Variants in CARMIL3 observed in about 807,000 individuals in gnomAD.
CARMIL3 encodes the protein capping protein, Arp2/3 and myosin-I linker protein 3.
Under a neutral mutation model 180.8 loss-of-function variants are expected in CARMIL3, and 88 were observed. That is an observed-to-expected ratio of 0.49 (90% CI 0.41 to 0.58). The LOEUF is 0.58. CARMIL3 is among the 20% of genes least tolerant of loss of function. The pLI is 0.00. For missense variants in CARMIL3, 1,548 were observed against 1,787.0 expected (o/e 0.87, Z 2.41); for synonymous variants, 696 against 714.5 (o/e 0.97, Z 0.41).
chr14:24,055,051 T>C lies in CARMIL3; in HGVS notation c.461-15T>C, dbSNP rs754009487. 2 of 1,612,758 alleles carry C rather than the reference T, an allele frequency of 1.2e-6. No individual in the cohort carries two copies. The highest frequency in any genetic ancestry group is 3.3e-5 in the Admixed American group (2 of 60,000). ...TCCTTACCCTCATGGAATCAGCCTATCTCCTGCCCCACAGGTGGCTTCTCT... is the reference window on the plus strand; with the variant it reads ...TCCTTACCCTCATGGAATCAGCCTACCTCCTGCCCCACAGGTGGCTTCTCT... On this transcript the variant is annotated splice_polypyrimidine_tract_variant and intron_variant, in intron 6 of 39. Coordinates refer to ENST00000342740, the MANE Select transcript of CARMIL3 (RefSeq NM_138360.4).
In CARMIL3 at chr14:24,062,829, G is replaced by A; in HGVS notation, c.2689G>A (p.Glu897Lys). ...TGACCATGAGGAGACCACAGATGAT[G>A]AACTTGGGACCAACATTGTGAGCCC... ...NHDHEETTDD[E>K]LGTNIDTMAI... The change falls in exon 29 of 40, where the codon GAA (glutamate) becomes AAA (lysine). Residue 897 changes from glutamate to lysine, a missense_variant. By Grantham distance (56) the Glu-to-Lys change is moderately conservative (BLOSUM62 1). This residue lies in a region of CARMIL3 where 668 missense variants were observed against 687.8 expected (regional missense o/e 0.97). Transcript: ENST00000342740. 1.2e-6 allele frequency: 2 copies of A among 1,610,518 alleles called. No homozygotes were observed. Among genetic ancestry groups the A allele is most frequent in the Non-Finnish European group, 1.7e-6 (2 of 1,178,486 alleles).
At position 24,060,720 on chromosome 14, in the gene CARMIL3, T is replaced by C. The variant is rs377484511; in HGVS notation, c.2154T>C (p.Ala718=). 52 of 1,613,842 alleles carry C rather than the reference T, an allele frequency of 3.2e-5. No homozygotes were observed. Among genetic ancestry groups the C allele is most frequent in the Non-Finnish European group, 4.1e-5 (48 of 1,179,970 alleles). The change falls in exon 25 of 40, where the codon GCT becomes GCC. Residue 718 remains alanine, a synonymous_variant. Transcript: ENST00000342740. The stretch of plus-strand genomic sequence containing the variant: ...CTGTGCAGGATGAGCTACTCTACGC[T>C]CGGGACCTCATCAAAGATGCCAAGA... ...LEPVQDELLY[A]RDLIKDAKNS... is the part of the protein sequence containing the mutation.
chr14:24,060,841 G>A (rs1267750471), intron 25 of CARMIL3, 85 bp downstream of exon 25: 3 of 1,554,772 alleles, frequency 1.9e-6, no homozygotes, highest in East Asian at 2.4e-5. Context: ...GCCCTGCCCT[G>A]TGCATCTGCC....
chr14:24,063,771 A>G (rs913288904), intron 31 of CARMIL3, among the ~76,000 whole-genome samples: 20 of 152,174 alleles, frequency 1.3e-4, no homozygotes, highest in Admixed American at 1.3e-3. Flanking sequence ...GGATAGAGCC[A>G]CCAAGAACAC....
intron 31 of CARMIL3, 107 bp from the exon 32 acceptor site, chr14:24,064,119 AAACACTGGGTGAACTGAAGT>A: frequency 1.6e-6 from 1 of 635,876 alleles, no homozygotes; most frequent in Non-Finnish European, 2.7e-6. Flanking sequence ...AAAGAAAAAG[AAACACTGGGTGAACTGAAGT>A]CTACATTTCC....
Position 24,068,597 on chromosome 14 carries a change from C to A in CARMIL3, c.3696C>A (p.Ala1232=). 6.2e-7 allele frequency: 1 copy of A among 1,612,758 alleles called. No individual in the cohort carries two copies. The highest frequency in any genetic ancestry group is 8.5e-7 in the Non-Finnish European group (1 of 1,179,292). ...EATWHIAEES[A]PNHSCQSPSP... ...TCTCATCCCCAGCTGAAGAGAGTGC[C>A]CCCAACCACAGCTGCCAGAGTCCCA... The change falls in exon 37 of 40, where the codon GCC becomes GCA. Residue 1232 remains alanine (A), a synonymous_variant. Coordinates refer to ENST00000342740, the MANE Select transcript of CARMIL3 (RefSeq NM_138360.4).
Position 24,066,651 on chromosome 14 carries a change from A to T in CARMIL3, c.3677A>T (p.His1226Leu). 1 of 1,614,088 alleles carries T rather than the reference A, an allele frequency of 6.2e-7. No homozygotes were observed. Among genetic ancestry groups the T allele is most frequent in the Non-Finnish European group, 8.5e-7 (1 of 1,179,928 alleles). Residue 1226 changes from histidine (H) to leucine (L), a missense_variant, in exon 36 of 40, where the codon CAC becomes CTC. His to Leu is a moderately conservative substitution (Grantham distance 99, BLOSUM62 -3). Transcript: ENST00000342740. ...ATGCGCAGAGCAGAGGCCACATGGC[A>T]CATAGGTATGGAAAGCCTCTTTTCA... Reference protein sequence around the residue: ...SAMRRAEATWHIAEESAPNHS... With the variant: ...SAMRRAEATWLIAEESAPNHS...
At chr14:24,066,242 G>A (rs2035785522) in intron 34 of CARMIL3, among the ~76,000 whole-genome samples, 156 bp from the exon 35 acceptor site, 1 of 152,156 alleles carries the variant, frequency 6.6e-6, no homozygotes, top group Admixed American at 6.5e-5. Flanking sequence ...TTGTGCCCCT[G>A]GGGAGGTATG....
At chr14:24,055,997 C>T (rs568130752) in intron 10 of CARMIL3, among the ~76,000 whole-genome samples, 3 of 152,316 alleles carry the variant, frequency 2.0e-5, no homozygotes, top group Non-Finnish European at 4.4e-5. Context: ...GCTCCATGGC[C>T]TTTCCCCAGG....
rs1594546818 is a variant in CARMIL3, at chr14:24,054,563, A to C, written c.362+52A>C. ...AGGCATTAGATGAGAGGGAGAGTTC[A>C]TCCCTTCCTCCTTCCCCTGGGCCAG... On this transcript the variant is annotated intron_variant, in intron 5 of 39. Coordinates refer to ENST00000342740, the MANE Select transcript of CARMIL3 (RefSeq NM_138360.4). This position sits in a 1 kb window ranked among gnomAD's most constrained non-coding sequence, Gnocchi z 5.1. 6.4e-7 allele frequency: 1 copy of C among 1,564,958 alleles called. No homozygotes were observed. The highest frequency in any genetic ancestry group is 1.3e-5 in the African/African-American group (1 of 74,122).
In CARMIL3 at chr14:24,054,250, C is replaced by G. The variant is rs774570468; in HGVS notation, c.195C>G (p.Ser65Arg). Residue 65 changes from serine (S) to arginine (R), a missense_variant, in exon 4 of 40, where the codon AGC becomes AGG. Around this residue, in one of 4 missense-constraint regions of CARMIL3, gnomAD observed 578 missense variants for 666.5 expected, o/e 0.87. Transcript: ENST00000342740. This position sits in a 1 kb window ranked among gnomAD's most constrained non-coding sequence, Gnocchi z 5.1. ...FLLKVPAKVE[S>R]SFNVLEIRAF... ...ATCTCCATCCCTCCTAGGTGGAGAG[C>G]TCCTTCAATGTCCTGGAGATCCGTG... 4.3e-6 allele frequency: 7 copies of G among 1,614,044 alleles called. No individual in the cohort carries two copies. In the South Asian group the frequency reaches 6.6e-5, roughly 15 times the overall value.
intron 31 of CARMIL3, 134 bp from the exon 32 acceptor site, chr14:24,064,112 G>A (rs58091590): frequency 0.056 from 17,843 of 316,320 alleles, 845 homozygotes; most frequent in South Asian, 0.13. Context: ...AAAAAAAAAA[G>A]AAAAAGAAAC....
In CARMIL3 at chr14:24,056,470, C is replaced by T. The variant is rs1054363784; in HGVS notation, c.865+77C>T. Reference sequence around the variant, plus strand: ...AGCCCAGAGCCCAACCAGGTCTGAACAGCAGCTCTCCAGCCTGATTCCAGC... The same window carrying T: ...AGCCCAGAGCCCAACCAGGTCTGAATAGCAGCTCTCCAGCCTGATTCCAGC... On this transcript the variant is annotated intron_variant, in intron 11 of 39. Transcript: ENST00000342740. 23 of 1,505,078 alleles carry T rather than the reference C, an allele frequency of 1.5e-5. No individual in the cohort carries two copies. The Admixed American group carries it at 3.8e-4, about 25-fold the overall frequency. The allele number at this position is 1,505,078 out of a possible 1,614,324, so 93.2% of individuals were successfully genotyped here. A position where few individuals can be genotyped will look rare whatever the true frequency, so the allele number is the denominator to read the frequency against.
At position 24,059,571 on chromosome 14, in the gene CARMIL3, A is replaced by AGTC; in HGVS notation, c.1800-92_1800-90dup. Reference sequence around the variant, plus strand: ...ACCCCCAGCCCCAGAACCATCTCTGAGTCAGCCTTATTGCCCCAAGAGGTT... The same window carrying AGTC: ...ACCCCCAGCCCCAGAACCATCTCTGAGTCGTCAGCCTTATTGCCCCAAGAGGTT... On this transcript the variant is annotated intron_variant, in intron 21 of 39. Transcript: ENST00000342740. This position sits in a 1 kb window ranked among gnomAD's most constrained non-coding sequence, Gnocchi z 6.3. 4 of 1,538,542 alleles carry AGTC rather than the reference A, an allele frequency of 2.6e-6. No homozygotes were observed. Among genetic ancestry groups the AGTC allele is most frequent in the Non-Finnish European group, 3.5e-6 (4 of 1,128,746 alleles).
Position 24,054,176 on chromosome 14 carries a change from C to T in CARMIL3, c.186+38C>T, listed in dbSNP as rs1192005749. ...GAGGAGCAGGAGAGCACCTGGCATG[C>T]TCCCTACCTCCCAAGCCTGGCAACC... On this transcript the variant is annotated intron_variant, in intron 3 of 39. Transcript: ENST00000342740. This position sits in a 1 kb window ranked among gnomAD's most constrained non-coding sequence, Gnocchi z 5.1. The T allele has an allele frequency of 1.9e-6, 3 of 1,614,152 alleles. No homozygotes were observed. The Admixed American group carries it at 5.0e-5, about 27-fold the overall frequency.
In CARMIL3 at chr14:24,065,762, C is replaced by G; in HGVS notation, c.3525+12C>G. 1 of 1,613,380 alleles carries G rather than the reference C, an allele frequency of 6.2e-7. No individual in the cohort carries two copies. Among genetic ancestry groups the G allele is most frequent in the East Asian group, 2.2e-5 (1 of 44,874 alleles). ...ATGGGAAACGAGAGGTGAGTGGAGC[C>G]TGGGACAACAAACTGTGGGTCCTGA... On this transcript the variant is annotated intron_variant, in intron 34 of 39. Coordinates refer to ENST00000342740, the MANE Select transcript of CARMIL3 (RefSeq NM_138360.4).
At chr14:24,052,483 A>T (rs2035626968) in intron 1 of CARMIL3, among the ~76,000 whole-genome samples, 1 of 152,032 alleles carries the variant, frequency 6.6e-6, no homozygotes, top group African/African-American at 2.4e-5. Context: ...CGGCGTTCCT[A>T]GCCCACCCTC....
Position 24,065,111 on chromosome 14 carries a change from C to CCGG in CARMIL3, c.3235_3236insGGC (p.Leu1078_Leu1079insArg). ...CGGGGTCCCCTACCACTGGACTCCTCCTCCCTCCACCCCCACCCCCTCCCC... is the reference window on the plus strand; with the variant it reads ...CGGGGTCCCCTACCACTGGACTCCTCCGGCTCCCTCCACCCCCACCCCCTCCCC... On this transcript the variant is annotated inframe_insertion, in exon 33 of 40. Coordinates refer to ENST00000342740, the MANE Select transcript of CARMIL3 (RefSeq NM_138360.4). 1 of 1,381,242 alleles carries CCGG rather than the reference C, an allele frequency of 7.2e-7. No individual in the cohort carries two copies. The highest frequency in any genetic ancestry group is 9.8e-7 in the Non-Finnish European group (1 of 1,020,876). 85.6% of individuals were successfully genotyped at this position (1,381,242 alleles called of 1,614,324 possible). A position where few individuals can be genotyped will look rare whatever the true frequency, so the allele number is the denominator to read the frequency against.
intron 32 of CARMIL3, among the ~76,000 whole-genome samples, chr14:24,064,709 G>A (rs1369916314): frequency 2.0e-5 from 3 of 152,190 alleles, no homozygotes; most frequent in Non-Finnish European, 4.4e-5. Context: ...TGTCCAGGAG[G>A]AGCCAGGTCA....
Sources: gnomAD v4.1 joint callset for allele counts (sites outside exome capture counted in the v4.1 genomes callset) on GRCh38, gnomAD v4.1.1 for gene constraint, gnomAD v4.1.1 regional missense constraint, Gnocchi (gnomAD v3.1) non-coding constraint, MANE v1.5 for transcripts, NCBI Gene and HGNC (gene_info 2026-07-23, HGNC 2026-07-21) for gene names.